Variants in NELL1 observed in about 807,000 individuals in gnomAD.
NELL1 encodes protein kinase C-binding protein NELL1.
Under a neutral mutation model 107.4 loss-of-function variants are expected in NELL1, and 76 were observed. The ratio of observed to expected loss-of-function variants is 0.71; its 90% CI spans 0.59 to 0.86. The LOEUF is 0.86. Among genes scored for constraint, NELL1 ranks in the 40% least tolerant of loss-of-function variants. The pLI, the probability that NELL1 is intolerant of heterozygous loss-of-function variation, is 0.00. For missense variants in NELL1, 1,024 were observed against 1,005.5 expected (o/e 1.02, Z -0.25); for synonymous variants, 353 against 341.2 (o/e 1.03, Z -0.38).
chr11:21,034,492 T>C (rs1428282618), intron 12 of NELL1, among the ~76,000 whole-genome samples: 1 of 152,166 alleles, frequency 6.6e-6, no homozygotes, highest in Non-Finnish European at 1.5e-5. Flanking sequence ...GATCACATCA[T>C]TGGAAGTAAA....
At chr11:20,978,347 A>G (rs114915309) in intron 12 of NELL1, among the ~76,000 whole-genome samples, 1,805 of 152,286 alleles carry the variant, frequency 0.012, 31 homozygotes, top group African/African-American at 0.041. Flanking sequence ...CAAAGATCCA[A>G]GAGAATTAAC....
intron 12 of NELL1, among the ~76,000 whole-genome samples, chr11:21,083,042 T>A (rs931430983): frequency 6.6e-6 from 1 of 152,186 alleles, no homozygotes; most frequent in Non-Finnish European, 1.5e-5. Flanking sequence ...TAATGAATAT[T>A]CAGATAGAGG....
At chr11:20,988,814 C>T (rs559427788) in intron 12 of NELL1, among the ~76,000 whole-genome samples, 1 of 152,052 alleles carries the variant, frequency 6.6e-6, no homozygotes, top group South Asian at 2.1e-4. Flanking sequence ...GTCTCGATCT[C>T]CTGACCTCGT....
chr11:21,014,567 C>CT (rs1243877281), intron 12 of NELL1, among the ~76,000 whole-genome samples: 3 of 152,098 alleles, frequency 2.0e-5, no homozygotes, highest in Non-Finnish European at 4.4e-5. Context: ...TCAATGCCTG[C>CT]TTACCTCCTG....
chr11:21,108,304 T>A (rs1855018914), intron 12 of NELL1, among the ~76,000 whole-genome samples: 1 of 152,194 alleles, frequency 6.6e-6, no homozygotes, highest in African/African-American at 2.4e-5. Flanking sequence ...AATTTGAGTC[T>A]GTGTTTGTTC....
intron 14 of NELL1, chr11:21,284,020 G>A (rs1849054944): frequency 1.1e-5 from 4 of 361,092 alleles, no homozygotes; most frequent in South Asian, 8.4e-5. Context: ...TCAGACATGT[G>A]TGTGTGCCTG....
chr11:21,146,085 A>G (rs1216975761), intron 13 of NELL1, among the ~76,000 whole-genome samples: 1 of 152,162 alleles, frequency 6.6e-6, no homozygotes, highest in East Asian at 1.9e-4. Context: ...TCGTTGGTAA[A>G]ATGGTGATAA....
chr11:21,029,870 A>C (rs748046442), intron 12 of NELL1, among the ~76,000 whole-genome samples: 42 of 152,218 alleles, frequency 2.8e-4, no homozygotes, highest in Non-Finnish European at 4.4e-4. Context: ...AATGGAAAAG[A>C]AATGGGAAAA....
intron 15 of NELL1, 68 bp downstream of exon 15, chr11:21,371,016 C>A: frequency 8.7e-7 from 1 of 1,149,898 alleles, no homozygotes; most frequent in Non-Finnish European, 1.3e-6. Context: ...GAAAGAATAA[C>A]AGCTCTTTCT....
At position 20,873,962 on chromosome 11, in the gene NELL1, C is replaced by T. The variant is rs111865714; in HGVS notation, c.507-11482C>T. 8.7e-3 allele frequency among the ~76,000 whole-genome samples: 1,326 copies of T among 152,176 alleles called. 12 individuals are homozygous for T. Among genetic ancestry groups the T allele is most frequent in the African/African-American group, 0.03 (1,233 of 41,520 alleles). On this transcript the variant is annotated intron_variant, in intron 4 of 19. Coordinates refer to ENST00000357134, the MANE Select transcript of NELL1 (RefSeq NM_006157.5). ...TATTTTTTGTAGAGATGTGGGTCTT[C>T]CTATGTTACCCAGGCTGGTCTTGAA...
At chr11:20,814,634 CT>C (rs759324808) in intron 3 of NELL1, among the ~76,000 whole-genome samples, 3 of 152,168 alleles carry the variant, frequency 2.0e-5, no homozygotes, top group African/African-American at 4.8e-5. Context: ...TAATTTCATT[CT>C]TTTTTTTATG....
intron 12 of NELL1, among the ~76,000 whole-genome samples, chr11:20,987,156 C>T (rs1187279630): frequency 6.6e-6 from 1 of 152,056 alleles, no homozygotes; most frequent in East Asian, 1.9e-4. Context: ...AAGGCCAAAG[C>T]CATTTTAACT....
At chr11:21,517,359 G>A (rs759912203) in intron 15 of NELL1, among the ~76,000 whole-genome samples, 1 of 152,160 alleles carries the variant, frequency 6.6e-6, no homozygotes, top group Non-Finnish European at 1.5e-5. Context: ...CAATTAGACA[G>A]ACGGTGAATA....
chr11:21,212,313 A>G (rs1258841092), intron 13 of NELL1, among the ~76,000 whole-genome samples: 1 of 152,230 alleles, frequency 6.6e-6, no homozygotes, highest in Non-Finnish European at 1.5e-5. Flanking sequence ...TGAGCATAAT[A>G]AATGTTACTC....
chr11:21,032,777 A>C (rs1260955180), intron 12 of NELL1, among the ~76,000 whole-genome samples: 1 of 152,168 alleles, frequency 6.6e-6, no homozygotes, highest in Non-Finnish European at 1.5e-5. Flanking sequence ...TACTACCGAA[A>C]TCAATTGTTA....
At position 21,240,768 on chromosome 11, in the gene NELL1, G is replaced by C. The variant is rs888065544; in HGVS notation, c.1549+11314G>C. On this transcript the variant is annotated intron_variant, in intron 14 of 19. Coordinates refer to ENST00000357134, the MANE Select transcript of NELL1 (RefSeq NM_006157.5). ...CTTTCCTTCAAGTGCCTTTCTAGTG[G>C]GGGGGGGGAGGGGGGAGTCTATTGG... Among the ~76,000 whole-genome samples the C allele has an allele frequency of 6.8e-5, 7 of 103,512 alleles. 1 individual carries two copies. The highest frequency in any genetic ancestry group is 1.8e-4 in the Non-Finnish European group (7 of 39,724). The allele number at this position is 103,512 out of a possible 152,430, so 67.9% of individuals were successfully genotyped here.
intron 12 of NELL1, among the ~76,000 whole-genome samples, chr11:21,030,808 C>T (rs1030755460): frequency 8.5e-5 from 13 of 152,110 alleles, no homozygotes; most frequent in East Asian, 1.9e-4. Flanking sequence ...ACCCCTCCAT[C>T]GTAGCTATAA....
intron 9 of NELL1, among the ~76,000 whole-genome samples, chr11:20,935,209 G>A (rs570846617): frequency 1.9e-4 from 29 of 152,238 alleles, no homozygotes; most frequent in Admixed American, 3.9e-4. Context: ...TGGGAAATTA[G>A]GATGTCATGT....
intron 13 of NELL1, among the ~76,000 whole-genome samples, chr11:21,142,621 G>A (rs1233442991): frequency 6.6e-6 from 1 of 152,182 alleles, no homozygotes; most frequent in Non-Finnish European, 1.5e-5. Flanking sequence ...GTGTGGTTCT[G>A]AAGTAATAGA....
Sources: gnomAD v4.1 joint callset for allele counts (sites outside exome capture counted in the v4.1 genomes callset) on GRCh38, gnomAD v4.1.1 for gene constraint, MANE v1.5 for transcripts, NCBI Gene and HGNC (gene_info 2026-07-23, HGNC 2026-07-21) for gene names.